Variants in IGLL1 observed in about 807,000 individuals in gnomAD.
IGLL1 encodes the protein immunoglobulin lambda-like polypeptide 1.
IGLL1 carries 10 observed loss-of-function variants against 10.5 expected under a neutral mutation model. The ratio of observed to expected loss-of-function variants is 0.95; its 90% confidence interval spans 0.59 to 1.62. IGLL1 has a LOEUF of 1.62. Ranked by LOEUF, IGLL1 falls within the 40% of genes most tolerant of loss-of-function variation. IGLL1 has a pLI of 0.00. For synonymous variants in IGLL1, 141 were observed against 122.7 expected, an observed-to-expected ratio of 1.15 and a Z score of -0.99; for missense variants, 284 against 278.7, an observed-to-expected ratio of 1.02 and a Z score of -0.14.
In IGLL1 at chr22:23,573,465, G is replaced by A. The variant is rs73157031; in HGVS notation, c.443C>T (p.Thr148Ile). Residue 148 changes from threonine to isoleucine, a missense_variant, in exon 3 of 3, where the codon ACC becomes ATC. Transcript: ENST00000330377. Reference sequence around the variant, plus strand: ...GATGGGGGTACCATCTGCCTTCCAGGTCACCGTCAAGATTCCCGGATAAAA... The same window carrying A: ...GATGGGGGTACCATCTGCCTTCCAGATCACCGTCAAGATTCCCGGATAAAA... ...NDFYPGILTV[T>I]WKADGTPITQ... 219,273 of 1,613,146 alleles carry A rather than the reference G, an allele frequency of 0.14. 16,428 individuals are homozygous for A. Among genetic ancestry groups the A allele is most frequent in the Admixed American group, 0.24 (14,428 of 59,936 alleles).
intron 1 of IGLL1, among the ~76,000 whole-genome samples, chr22:23,579,591 G>A (rs921285351): frequency 2.0e-5 from 3 of 151,760 alleles, no homozygotes; most frequent in East Asian, 1.9e-4. Context: ...AAAAGAGGAG[G>A]GGGGGGAGGA....
chr22:23,576,182 C>T (rs1023143809), intron 1 of IGLL1, among the ~76,000 whole-genome samples: 4 of 152,016 alleles, frequency 2.6e-5, no homozygotes, highest in South Asian at 2.1e-4. Context: ...TGACCATGGG[C>T]GGTCTCAACC....
chr22:23,576,429 C>T (rs949767048), intron 1 of IGLL1, among the ~76,000 whole-genome samples: 2 of 150,836 alleles, frequency 1.3e-5, no homozygotes, highest in African/African-American at 2.4e-5. Context: ...TGTACAGTCC[C>T]ATTTCCTTTT....
intron 1 of IGLL1, among the ~76,000 whole-genome samples, chr22:23,579,462 T>G (rs1352321188): frequency 1.3e-5 from 2 of 152,096 alleles, no homozygotes; most frequent in East Asian, 1.9e-4. Flanking sequence ...GAGGCGATGC[T>G]GGCTGAGGTC....
intron 1 of IGLL1, among the ~76,000 whole-genome samples, chr22:23,575,440 A>G (rs1338964876): frequency 6.6e-6 from 1 of 152,142 alleles, no homozygotes; most frequent in Non-Finnish European, 1.5e-5. Context: ...TCCTCCCTGG[A>G]CCAGGACATT....
intron 2 of IGLL1, among the ~76,000 whole-genome samples, chr22:23,574,307 C>G (rs1377506554): frequency 6.6e-6 from 1 of 152,134 alleles, no homozygotes; most frequent in Non-Finnish European, 1.5e-5. Context: ...GGTGGGAGGT[C>G]GACCCATGAA....
At position 23,578,484 on chromosome 22, in the gene IGLL1, AG is replaced by A. The variant is rs572991436; in HGVS notation, c.206+1500del. Among the ~76,000 whole-genome samples, 68 of 152,320 alleles carry A rather than the reference AG, an allele frequency of 4.5e-4. 1 individual carries two copies. The highest frequency in any genetic ancestry group is 1.5e-3 in the African/African-American group (63 of 41,582). On this transcript the variant is annotated intron_variant, in intron 1 of 2. Coordinates refer to ENST00000330377, the MANE Select transcript of IGLL1 (RefSeq NM_020070.4). Reference sequence around the variant, plus strand: ...GGACTCCTTGCTCAGAAGTCCGTGCAGGACACTGACACCCGGTCCCGGCCTG... The same window carrying A: ...GGACTCCTTGCTCAGAAGTCCGTGCAGACACTGACACCCGGTCCCGGCCTG...
chr22:23,573,661 G>A (rs1369492288), intron 2 of IGLL1, 76 bp from the exon 3 acceptor site: 3 of 1,173,054 alleles, frequency 2.6e-6, no homozygotes, highest in African/African-American at 1.5e-5. Flanking sequence ...TCTGTCTAAA[G>A]TCTCTGGGAG....
At chr22:23,573,989 A>G (rs191871434) in intron 2 of IGLL1, among the ~76,000 whole-genome samples, 1,947 of 151,382 alleles carry the variant, frequency 0.013, 56 homozygotes, top group African/African-American at 0.044. Flanking sequence ...GGAGCTTCCC[A>G]TCCCCTGGGG....
At chr22:23,576,360 C>CAA (rs11455488) in intron 1 of IGLL1, among the ~76,000 whole-genome samples, 705 of 67,016 alleles carry the variant, frequency 0.011, 5 homozygotes, top group East Asian at 0.022. Flanking sequence ...AAGACTGTCC[C>CAA]AAAAAAAAAA....
intron 2 of IGLL1, among the ~76,000 whole-genome samples, 195 bp from the exon 3 acceptor site, chr22:23,573,780 G>A (rs35090242): frequency 0.023 from 3,228 of 140,548 alleles, 32 homozygotes; most frequent in African/African-American, 0.053. Context: ...CTTCCTAGGA[G>A]CCCTTCCCAA....
At chr22:23,575,862 T>G (rs1196642428) in intron 1 of IGLL1, among the ~76,000 whole-genome samples, 1 of 152,190 alleles carries the variant, frequency 6.6e-6, no homozygotes, top group Non-Finnish European at 1.5e-5. Context: ...CAGTGACTCT[T>G]TTCCCCTTGG....
Sources: gnomAD v4.1 joint callset for allele counts (sites outside exome capture counted in the v4.1 genomes callset) on GRCh38, gnomAD v4.1.1 for gene constraint, MANE v1.5 for transcripts, NCBI Gene and HGNC (gene_info 2026-07-23, HGNC 2026-07-21) for gene names.